Variants in NINJ2 observed in about 807,000 individuals in gnomAD.
The protein encoded by NINJ2 is ninjurin-2.
In NINJ2, 12 loss-of-function variants were observed where a neutral mutation model predicts 11.7. The observed-to-expected ratio is 1.02, with a 90% CI of 0.66 to 1.66. NINJ2 has a LOEUF of 1.66. Among genes scored for constraint, NINJ2 ranks in the 40% most tolerant of loss-of-function variants. The probability of loss-of-function intolerance (pLI) is 0.00; values close to 1 mark genes in which losing one functional copy is unlikely to be tolerated. For missense variants in NINJ2, 187 were observed against 181.8 expected, an observed-to-expected ratio of 1.03 and a Z score of -0.16; for synonymous variants, 93 against 76.8, an observed-to-expected ratio of 1.21 and a Z score of -1.10.
intron 1 of NINJ2, among the ~76,000 whole-genome samples, chr12:604,008 A>G (rs1245679616): frequency 5.9e-5 from 9 of 152,156 alleles, no homozygotes. Flanking sequence ...ATTGGTGTAT[A>G]TGTCTGTCCT....
intron 1 of NINJ2, among the ~76,000 whole-genome samples, chr12:623,574 G>A (rs557220866): frequency 6.6e-6 from 1 of 152,292 alleles, no homozygotes; most frequent in East Asian, 1.9e-4. Context: ...TCCACTCTTG[G>A]GCTTAGTTTG....
chr12:573,404 A>T (rs1404345895), intron 1 of NINJ2, among the ~76,000 whole-genome samples: 1 of 152,052 alleles, frequency 6.6e-6, no homozygotes, highest in Non-Finnish European at 1.5e-5. Flanking sequence ...GGAGTTTAAG[A>T]TTGAAAGATA....
At chr12:639,555 G>GA (rs950986532) in intron 1 of NINJ2, among the ~76,000 whole-genome samples, 2 of 151,752 alleles carry the variant, frequency 1.3e-5, no homozygotes, top group African/African-American at 4.8e-5. Flanking sequence ...GAACAGAAAA[G>GA]AAAAAAAAGT....
chr12:617,317 G>A (rs1222566869), intron 1 of NINJ2, among the ~76,000 whole-genome samples: 1 of 152,172 alleles, frequency 6.6e-6, no homozygotes, highest in Admixed American at 6.5e-5. Flanking sequence ...AAGACACTGG[G>A]GGAAGAGCCC....
chr12:648,984 A>G (rs368329630), intron 1 of NINJ2, among the ~76,000 whole-genome samples: 22 of 32,938 alleles, frequency 6.7e-4, no homozygotes, highest in East Asian at 2.7e-3. Flanking sequence ...CCACCTATCT[A>G]TCTATCTATC....
At chr12:589,012 C>G (rs1392546093) in intron 1 of NINJ2, among the ~76,000 whole-genome samples, 1 of 152,152 alleles carries the variant, frequency 6.6e-6, no homozygotes, top group Non-Finnish European at 1.5e-5. Context: ...AATAGTCTTA[C>G]CTAGTAAGTC....
At chr12:662,409 CGAGAGA>C (rs111778018) in intron 1 of NINJ2, among the ~76,000 whole-genome samples, 95 of 147,516 alleles carry the variant, frequency 6.4e-4, no homozygotes, top group Non-Finnish European at 1.1e-3. Context: ...ACACAGAGAA[CGAGAGA>C]GAGAGAGAGA....
In NINJ2 at chr12:663,213, A is replaced by C. The variant is rs941689607; in HGVS notation, c.33+115T>G. 1.0e-5 allele frequency: 9 copies of C among 900,972 alleles called. No homozygotes were observed. In the African/African-American group the frequency reaches 1.5e-4, roughly 15 times the overall value. The allele number at this position is 900,972 out of a possible 1,614,324, so 55.8% of individuals were successfully genotyped here. A position where few individuals can be genotyped will look rare whatever the true frequency, so the allele number is the denominator to read the frequency against. ...TAGGGAGCATTTGGAGAAGGGAGTG[A>C]GTAAGAAGAGAACGGGGAGGGAGAA... On this transcript the variant is annotated intron_variant, in intron 1 of 3. Transcript: ENST00000305108.
chr12:623,658 C>T (rs931981360), intron 1 of NINJ2, among the ~76,000 whole-genome samples: 3 of 152,174 alleles, frequency 2.0e-5, no homozygotes, highest in Admixed American at 2.0e-4. Flanking sequence ...AGTGACAGAC[C>T]AGGCTGCTAG....
intron 1 of NINJ2, among the ~76,000 whole-genome samples, chr12:576,641 G>C (rs1947465409): frequency 6.6e-6 from 1 of 152,210 alleles, no homozygotes; most frequent in African/African-American, 2.4e-5. Context: ...CTGCAGGCGC[G>C]AGCCGCCACC....
At chr12:601,558 A>AT (rs1326695764) in intron 1 of NINJ2, among the ~76,000 whole-genome samples, 69 of 150,796 alleles carry the variant, frequency 4.6e-4, no homozygotes, top group African/African-American at 1.4e-3. Flanking sequence ...CAAAAAAAAA[A>AT]AAAAATAAAT....
At chr12:597,677 C>T (rs1947806585) in intron 1 of NINJ2, among the ~76,000 whole-genome samples, 1 of 152,238 alleles carries the variant, frequency 6.6e-6, no homozygotes, top group African/African-American at 2.4e-5. Flanking sequence ...TTCCACTTCT[C>T]TTGCCATTGG....
At chr12:647,858 C>T (rs549232273) in intron 1 of NINJ2, among the ~76,000 whole-genome samples, 1 of 152,220 alleles carries the variant, frequency 6.6e-6, no homozygotes, top group Non-Finnish European at 1.5e-5. Context: ...ATTTGAAAAC[C>T]ACTGAGTTCG....
chr12:580,775 G>A lies in NINJ2; in HGVS notation c.34-14597C>T, dbSNP rs552994220. Among the ~76,000 whole-genome samples, 149 of 152,110 alleles carry A rather than the reference G, an allele frequency of 9.8e-4. 1 individual carries two copies. Among genetic ancestry groups the A allele is most frequent in the African/African-American group, 3.4e-3 (142 of 41,502 alleles). On this transcript the variant is annotated intron_variant, in intron 1 of 3. Coordinates refer to ENST00000305108, the MANE Select transcript of NINJ2 (RefSeq NM_016533.6). This position sits in a 1 kb window ranked among gnomAD's most constrained non-coding sequence, Gnocchi z 4.7. ...CTGCTGACTCCCCTCCATATGCCAC[G>A]GCAGCCACAATGTGTTTTCTGTGTG...
intron 1 of NINJ2, among the ~76,000 whole-genome samples, chr12:626,113 T>C (rs1228121253): frequency 1.3e-5 from 2 of 152,256 alleles, no homozygotes; most frequent in Admixed American, 6.5e-5. Flanking sequence ...GCAGATAGGA[T>C]GGGATGAGTT....
intron 1 of NINJ2, among the ~76,000 whole-genome samples, chr12:572,617 A>G (rs1027974189): frequency 4.6e-5 from 7 of 152,216 alleles, no homozygotes; most frequent in Non-Finnish European, 5.9e-5. Flanking sequence ...GTGGGCTCTC[A>G]GCACACTGGA....
intron 1 of NINJ2, among the ~76,000 whole-genome samples, chr12:588,148 G>A (rs544718816): frequency 3.4e-5 from 5 of 145,000 alleles, no homozygotes; most frequent in Non-Finnish European, 7.5e-5. Context: ...CAGCAAAATG[G>A]CGGAAGGAAG....
intron 1 of NINJ2, among the ~76,000 whole-genome samples, chr12:615,404 C>A (rs890794433): frequency 2.6e-5 from 4 of 152,138 alleles, no homozygotes; most frequent in African/African-American, 9.7e-5. Context: ...GCCTGACCAA[C>A]ACAGAGAAAT....
chr12:612,319 G>A (rs926756407), intron 1 of NINJ2, among the ~76,000 whole-genome samples: 1 of 152,080 alleles, frequency 6.6e-6, no homozygotes, highest in Non-Finnish European at 1.5e-5. Context: ...TGGGGTGTCG[G>A]GGCAGTCGCA....
Sources: allele counts gnomAD v4.1 joint callset (sites outside exome capture counted in the v4.1 genomes callset), GRCh38; gene constraint gnomAD v4.1.1; non-coding constraint Gnocchi (gnomAD v3.1); transcripts MANE v1.5; gene names NCBI Gene and HGNC (gene_info 2026-07-23, HGNC 2026-07-21).